Variants in CWF19L2 observed in about 807,000 individuals in gnomAD.
The protein encoded by CWF19L2 is CWF19 like cell cycle control factor 2, also known as CWF19-like protein 2.
In CWF19L2, 98 loss-of-function variants were observed where a neutral mutation model predicts 111.7. The observed-to-expected ratio is 0.88, with a 90% confidence interval of 0.75 to 1.04. The LOEUF (loss-of-function observed/expected upper bound fraction) is 1.04. CWF19L2 is among the 50% of genes least tolerant of loss of function. The probability of loss-of-function intolerance (pLI) is 0.00; values close to 1 mark genes in which losing one functional copy is unlikely to be tolerated. For synonymous variants in CWF19L2, 351 were observed against 342.9 expected (o/e 1.02, Z -0.26); for missense variants, 1,101 against 1,051.4 (o/e 1.05, Z -0.65).
intron 12 of CWF19L2, among the ~76,000 whole-genome samples, chr11:107,369,913 T>G (rs1860483946): frequency 7.2e-6 from 1 of 138,286 alleles, no homozygotes; most frequent in African/African-American, 2.9e-5. Flanking sequence ...CTTTCAAGTG[T>G]TAGCTCTTTT....
chr11:107,450,280 C>A (rs907139888), intron 3 of CWF19L2, among the ~76,000 whole-genome samples: 4 of 151,886 alleles, frequency 2.6e-5, no homozygotes, highest in African/African-American at 9.7e-5. Flanking sequence ...TAAAATGTCT[C>A]AAAAACTTTT....
At chr11:107,347,913 T>C (rs1860104343) in intron 14 of CWF19L2, among the ~76,000 whole-genome samples, 1 of 152,182 alleles carries the variant, frequency 6.6e-6, no homozygotes, top group South Asian at 2.1e-4. Flanking sequence ...GTTTTATATG[T>C]ATAAATTTTT....
chr11:107,436,373 A>G (rs1054640691), intron 6 of CWF19L2, among the ~76,000 whole-genome samples: 19 of 151,980 alleles, frequency 1.3e-4, no homozygotes, highest in Admixed American at 4.6e-4. Context: ...ATCATAACTC[A>G]AAGTTACACT....
chr11:107,428,900 T>A lies in CWF19L2; in HGVS notation c.1332A>T (p.Gln444His). ...KPSETSTDEH[Q>H]HVPEDPREKS... ...TTTCTCTTGGGTCTTCTGGAACATG[T>A]TGGTGTTCATCAGTACTGGTTTCCG... Residue 444 changes from glutamine to histidine, a missense_variant, in exon 8 of 18, where the codon CAA becomes CAT. Gln to His is a conservative substitution (Grantham distance 24). Transcript: ENST00000282251. 6.2e-7 allele frequency: 1 copy of A among 1,613,708 alleles called. No homozygotes were observed. Among genetic ancestry groups the A allele is most frequent in the Non-Finnish European group, 8.5e-7 (1 of 1,179,718 alleles).
Position 107,369,492 on chromosome 11 carries a change from G to A in CWF19L2, c.1873-15756C>T, listed in dbSNP as rs899808670. On this transcript the variant is annotated intron_variant, in intron 12 of 17. Transcript: ENST00000282251. ...TTTTAAAACCATAATGACAAACCAC[G>A]AAAAAAAGACACATAGGCTTGACTT... 1.4e-4 allele frequency among the ~76,000 whole-genome samples: 19 copies of A among 136,792 alleles called. 3 individuals carry two copies. Among genetic ancestry groups the A allele is most frequent in the Admixed American group, 3.6e-4 (5 of 14,026 alleles). The allele number at this position is 136,792 out of a possible 152,430, so 89.7% of individuals were successfully genotyped here.
intron 12 of CWF19L2, among the ~76,000 whole-genome samples, chr11:107,355,899 A>G (rs902461355): frequency 6.6e-6 from 1 of 152,218 alleles, no homozygotes; most frequent in African/African-American, 2.4e-5. Flanking sequence ...TGACATTAAT[A>G]GAAATTCCAC....
intron 8 of CWF19L2, among the ~76,000 whole-genome samples, chr11:107,426,381 T>C (rs1004622486): frequency 2.6e-5 from 4 of 151,900 alleles, no homozygotes; most frequent in Non-Finnish European, 4.4e-5. Flanking sequence ...CAATGCAATA[T>C]AAAAGTCTAA....
At chr11:107,346,281 T>G (rs745648112) in intron 14 of CWF19L2, among the ~76,000 whole-genome samples, 1 of 152,144 alleles carries the variant, frequency 6.6e-6, no homozygotes, top group Non-Finnish European at 1.5e-5. Context: ...CCAAGGTAAA[T>G]GTTATGCAAC....
Position 107,454,563 on chromosome 11 carries a change from CAG to C in CWF19L2, c.224_225del (p.Ser75CysfsTer28). ...ERIEQFSQEH[S>X]VKKKKKKDKH... Reference sequence around the variant, plus strand: ...TTGTCTTTTTTCTTCTTTTTCTTCACAGAGTGTTCCTACAATCATTTTGAACA... The same window carrying C: ...TTGTCTTTTTTCTTCTTTTTCTTCACAGTGTTCCTACAATCATTTTGAACA... On this transcript the variant is annotated frameshift_variant, in exon 3 of 18. Coordinates refer to ENST00000282251, the MANE Select transcript of CWF19L2 (RefSeq NM_152434.3). LOFTEE classifies it high-confidence loss of function. 3.5e-6 allele frequency: 5 copies of C among 1,420,422 alleles called. No individual in the cohort carries two copies. Among genetic ancestry groups the C allele is most frequent in the South Asian group, 3.2e-5 (2 of 61,596 alleles). The allele number at this position is 1,420,422 out of a possible 1,614,324, so 88.0% of individuals were successfully genotyped here.
intron 14 of CWF19L2, among the ~76,000 whole-genome samples, chr11:107,340,239 CT>C (rs1396644211): frequency 6.6e-6 from 1 of 152,072 alleles, no homozygotes; most frequent in Admixed American, 6.6e-5. Flanking sequence ...ACAATTTTAT[CT>C]TGTTTTTCTC....
At chr11:107,397,641 C>T (rs1860943512) in intron 10 of CWF19L2, among the ~76,000 whole-genome samples, 1 of 152,062 alleles carries the variant, frequency 6.6e-6, no homozygotes, top group African/African-American at 2.4e-5. Flanking sequence ...CCTCACCCAC[C>T]ACCAGTCTCT....
chr11:107,455,734 T>C lies in CWF19L2; in HGVS notation c.148A>G (p.Lys50Glu). 6.4e-7 allele frequency: 1 copy of C among 1,551,390 alleles called. No individual in the cohort carries two copies. ...FEKEERRKEL[K>E]RLRGEDTWML... ...CATGTATCCTCACCCCGAAGTCGCT[T>C]AAGTTCTTTACGCCTTTCTTCTTTT... The change falls in exon 2 of 18, where the codon AAG (lysine) becomes GAG (glutamate). Residue 50 changes from lysine (K) to glutamate (E), a missense_variant. Lys to Glu is a moderately conservative substitution (Grantham distance 56). Transcript: ENST00000282251.
chr11:107,448,387 T>A, intron 3 of CWF19L2, among the ~76,000 whole-genome samples: 2 of 130,720 alleles, frequency 1.5e-5, no homozygotes, highest in African/African-American at 2.9e-5. Flanking sequence ...AACCTGAAGC[T>A]CACGACATAG....
intron 10 of CWF19L2, among the ~76,000 whole-genome samples, chr11:107,407,502 T>C (rs1464550896): frequency 6.6e-6 from 1 of 152,106 alleles, no homozygotes; most frequent in Non-Finnish European, 1.5e-5. Context: ...TCAGTATTTT[T>C]CATATGCAGT....
At position 107,336,542 on chromosome 11, in the gene CWF19L2, G is replaced by C. The variant is rs773577472; in HGVS notation, c.2358+16C>G. 1.9e-6 allele frequency: 3 copies of C among 1,578,100 alleles called. No individual in the cohort carries two copies. Among genetic ancestry groups the C allele is most frequent in the South Asian group, 2.4e-5 (2 of 84,892 alleles). On this transcript the variant is annotated intron_variant, in intron 15 of 17. Coordinates refer to ENST00000282251, the MANE Select transcript of CWF19L2 (RefSeq NM_152434.3). ...AGCAAAAAATAAGTGTATATGCAAA[G>C]ACTACTTATAAACACCTTAAAATAG...
chr11:107,396,113 T>A (rs956959367), intron 10 of CWF19L2, among the ~76,000 whole-genome samples: 7 of 152,332 alleles, frequency 4.6e-5, no homozygotes, highest in Middle Eastern at 3.4e-3. Context: ...TCTAACCACC[T>A]ACATGGCATT....
intron 14 of CWF19L2, among the ~76,000 whole-genome samples, chr11:107,340,086 T>C (rs377555362): frequency 1.2e-4 from 19 of 152,348 alleles, no homozygotes; most frequent in African/African-American, 4.3e-4. Context: ...TCTCCTAGTT[T>C]ATAATTTGTC....
chr11:107,346,755 T>A (rs535070042), intron 14 of CWF19L2, among the ~76,000 whole-genome samples: 2 of 151,948 alleles, frequency 1.3e-5, no homozygotes, highest in East Asian at 3.9e-4. Context: ...AAAACAGGGG[T>A]GTTATCAGAA....
intron 10 of CWF19L2, among the ~76,000 whole-genome samples, chr11:107,393,894 G>C (rs1860884679): frequency 6.6e-6 from 1 of 152,136 alleles, no homozygotes; most frequent in African/African-American, 2.4e-5. Flanking sequence ...AGGATGGAAA[G>C]GGAGTAATGG....
Sources: gnomAD v4.1 joint callset for allele counts (sites outside exome capture counted in the v4.1 genomes callset) on GRCh38, gnomAD v4.1.1 for gene constraint, MANE v1.5 for transcripts, NCBI Gene and HGNC (gene_info 2026-07-23, HGNC 2026-07-21) for gene names.